MCM8: variants seen among roughly 807,000 people sequenced by gnomAD.
MCM8 encodes the protein minichromosome maintenance 8 homologous recombination repair factor.
A neutral mutation model predicts 98.9 loss-of-function variants in MCM8; 85 were observed. That is an observed-to-expected ratio of 0.86 (90% CI 0.72 to 1.03). The LOEUF (loss-of-function observed/expected upper bound fraction) is 1.03, where lower values mean the gene tolerates loss of function less well. MCM8 is among the 50% of genes least tolerant of loss of function. The pLI is 0.00. For missense variants in MCM8, 951 were observed against 997.8 expected (o/e 0.95, Z 0.63); for synonymous variants, 352 against 338.6 (o/e 1.04, Z -0.44).
In MCM8 at chr20:5,952,516, T is replaced by C; in HGVS notation, c.241T>C (p.Tyr81His). ...RFIPYKGWKL[Y>H]FSEVYSDSSP... ...CATACCATATAAAGGCTGGAAGCTTTATTTCTCTGAAGGTAGGGTTTAAAA... is the reference window on the plus strand; with the variant it reads ...CATACCATATAAAGGCTGGAAGCTTCATTTCTCTGAAGGTAGGGTTTAAAA... The change falls in exon 3 of 19, where the codon TAT becomes CAT. Residue 81 changes from tyrosine (Y) to histidine (H), a missense_variant. By Grantham distance (83) the Tyr-to-His change is moderately conservative. Transcript: ENST00000610722. 1.2e-6 allele frequency: 2 copies of C among 1,613,586 alleles called. No individual in the cohort carries two copies. Among genetic ancestry groups the C allele is most frequent in the Non-Finnish European group, 1.7e-6 (2 of 1,179,764 alleles).
intron 16 of MCM8, 138 bp downstream of exon 16, chr20:5,986,269 G>A: frequency 2.7e-6 from 2 of 737,018 alleles, no homozygotes; most frequent in South Asian, 1.9e-5. Flanking sequence ...ATGGATGAAA[G>A]TTTTTTAAAA....
intron 10 of MCM8, among the ~76,000 whole-genome samples, chr20:5,971,685 C>T (rs2089406481): frequency 2.0e-5 from 3 of 152,132 alleles, no homozygotes; most frequent in East Asian, 1.9e-4. Context: ...AATATAATCC[C>T]GTATCCTAAA....
In MCM8 at chr20:5,973,088, T is replaced by G. The variant is rs773733935; in HGVS notation, c.1287T>G (p.Phe429Leu). Residue 429 changes from phenylalanine (F) to leucine (L), a missense_variant, in exon 12 of 19, where the codon TTT becomes TTG. By Grantham distance (22) the Phe-to-Leu change is conservative. Coordinates refer to ENST00000610722, the MANE Select transcript of MCM8 (RefSeq NM_032485.6). Reference protein sequence around the residue: ...LVKAGLALALFGGSQKYADDK... With the variant: ...LVKAGLALALLGGSQKYADDK... ...AAGCAGGTTTGGCATTAGCACTCTT[T>G]GGAGGAAGCCAGAAATACGCAGATG... 6.2e-7 allele frequency: 1 copy of G among 1,614,236 alleles called. No individual in the cohort carries two copies. Among genetic ancestry groups the G allele is most frequent in the Non-Finnish European group, 8.5e-7 (1 of 1,180,034 alleles).
At position 5,972,056 on chromosome 20, in the gene MCM8, C is replaced by T; in HGVS notation, c.1254+19C>T. Reference sequence around the variant, plus strand: ...TCATGAAGTAAGTATTTTACTTCATCTTTACTCAAAAAGTATATAAGGTTA... The same window carrying T: ...TCATGAAGTAAGTATTTTACTTCATTTTTACTCAAAAAGTATATAAGGTTA... On this transcript the variant is annotated intron_variant, in intron 11 of 18. Coordinates refer to ENST00000610722, the MANE Select transcript of MCM8 (RefSeq NM_032485.6). 3.1e-6 allele frequency: 5 copies of T among 1,594,118 alleles called. No homozygotes were observed. The highest frequency in any genetic ancestry group is 4.3e-6 in the Non-Finnish European group (5 of 1,165,954).
intron 3 of MCM8, among the ~76,000 whole-genome samples, chr20:5,953,024 CT>C (rs1043891592): frequency 6.6e-6 from 1 of 152,196 alleles, no homozygotes; most frequent in African/African-American, 2.4e-5. Context: ...GCAAATGAAG[CT>C]GGTTGCCACT....
In MCM8 at chr20:5,957,221, T is replaced by G; in HGVS notation, c.582T>G (p.Ile194Met). 1 of 1,612,090 alleles carries G rather than the reference T, an allele frequency of 6.2e-7. No homozygotes were observed. Among genetic ancestry groups the G allele is most frequent in the Non-Finnish European group, 8.5e-7 (1 of 1,178,698 alleles). The change falls in exon 6 of 19, where the codon ATT (isoleucine) becomes ATG (methionine). Residue 194 changes from isoleucine (I) to methionine (M), a missense_variant. Coordinates refer to ENST00000610722, the MANE Select transcript of MCM8 (RefSeq NM_032485.6). The stretch of plus-strand genomic sequence containing the variant: ...AAACAATGGTAAATGTGCCACATAT[T>G]CATGCAAGGTGAGGAATTTGATGTA... ...DGETMVNVPH[I>M]HARVYNYEPL...
chr20:5,955,337 AT>A, intron 5 of MCM8, 86 bp downstream of exon 5: 1 of 1,265,540 alleles, frequency 7.9e-7, no homozygotes, highest in Non-Finnish European at 1.1e-6. Flanking sequence ...TTAAAGGAAG[AT>A]TTTACAGTGA....
rs552896953 is a variant in MCM8 at position 5,982,905 on chromosome 20, C to T, written c.1538-65C>T. 9.1e-5 allele frequency: 120 copies of T among 1,320,000 alleles called. No homozygotes were observed. In the East Asian group the frequency reaches 2.8e-3, roughly 31 times the overall value. The allele number at this position is 1,320,000 out of a possible 1,614,324, so 81.8% of individuals were successfully genotyped here. A position where few individuals can be genotyped will look rare whatever the true frequency, so the allele number is the denominator to read the frequency against. ...TAATTATTGTGAAACAATTTCTATC[C>T]TATAAAATTTGGAACTTGACCAAAG... On this transcript the variant is annotated intron_variant, in intron 13 of 18. Coordinates refer to ENST00000610722, the MANE Select transcript of MCM8 (RefSeq NM_032485.6).
At position 5,959,661 on chromosome 20, in the gene MCM8, A is replaced by G. The variant is rs117462564; in HGVS notation, c.789+935A>G. ...AGAACATTCTTGTACATGTCTCCTT[A>G]GCAGAGGAATACTAAGTTGTAGGCT... On this transcript the variant is annotated intron_variant, in intron 7 of 18. Coordinates refer to ENST00000610722, the MANE Select transcript of MCM8 (RefSeq NM_032485.6). Among the ~76,000 whole-genome samples, 1,600 of 147,630 alleles carry G rather than the reference A, an allele frequency of 0.011. 144 individuals carry two copies. In the East Asian group the frequency reaches 0.24, roughly 22 times the overall value.
intron 12 of MCM8, among the ~76,000 whole-genome samples, chr20:5,977,177 T>C (rs1300815225): frequency 1.3e-5 from 2 of 152,260 alleles, no homozygotes; most frequent in African/African-American, 4.8e-5. Flanking sequence ...ATGTGAATAC[T>C]GTCCCCTAGA....
At chr20:5,961,561 G>T (rs379418) in intron 7 of MCM8, among the ~76,000 whole-genome samples, 1 of 152,018 alleles carries the variant, frequency 6.6e-6, no homozygotes, top group African/African-American at 2.4e-5. Flanking sequence ...GTTTCATCTG[G>T]TGTTTGTCTT....
intron 7 of MCM8, among the ~76,000 whole-genome samples, chr20:5,962,764 G>T (rs953412166): frequency 2.0e-5 from 3 of 152,212 alleles, no homozygotes; most frequent in Non-Finnish European, 2.9e-5. Flanking sequence ...GTCTGCCACA[G>T]TCTGAATTTA....
intron 16 of MCM8, among the ~76,000 whole-genome samples, chr20:5,986,773 T>A (rs1202145103): frequency 1.3e-5 from 2 of 152,112 alleles, no homozygotes; most frequent in Admixed American, 1.3e-4. Flanking sequence ...AAAAATGAGG[T>A]TTATCCTTAT....
At position 5,952,481 on chromosome 20, in the gene MCM8, T is replaced by G. The variant is rs769714352; in HGVS notation, c.206T>G (p.Leu69Trp). 1.4e-5 allele frequency: 23 copies of G among 1,613,956 alleles called. No homozygotes were observed. The African/African-American group carries it at 2.8e-4, about 20-fold the overall frequency. ...ACCCCACAGTCAATGCAGTCAACAT[T>G]GGATCGATTCATACCATATAAAGGC... ...TKTPQSMQST[L>W]DRFIPYKGWK... Residue 69 changes from leucine to tryptophan, a missense_variant, in exon 3 of 19, where the codon TTG (leucine) becomes TGG (tryptophan). Physicochemically the swap from Leu to Trp is moderately conservative, Grantham distance 61 (BLOSUM62 -2). Coordinates refer to ENST00000610722, the MANE Select transcript of MCM8 (RefSeq NM_032485.6).
At chr20:5,982,692 ATTACTC>A (rs2089652890) in intron 13 of MCM8, among the ~76,000 whole-genome samples, 1 of 152,208 alleles carries the variant, frequency 6.6e-6, no homozygotes, top group Non-Finnish European at 1.5e-5. Flanking sequence ...CATTTTGAGA[ATTACTC>A]TTACCTCCTC....
chr20:5,987,584 C>T (rs775688843), intron 17 of MCM8, among the ~76,000 whole-genome samples: 2 of 152,090 alleles, frequency 1.3e-5, no homozygotes, highest in Non-Finnish European at 2.9e-5. Flanking sequence ...AAATCAGTTC[C>T]AAAACCTATT....
chr20:5,970,292 T>C (rs1388399526), intron 10 of MCM8, among the ~76,000 whole-genome samples: 2 of 152,284 alleles, frequency 1.3e-5, no homozygotes, highest in African/African-American at 4.8e-5. Flanking sequence ...AGTTTATGTT[T>C]TAGTTTAGGT....
intron 8 of MCM8, among the ~76,000 whole-genome samples, chr20:5,964,956 G>A (rs1214662580): frequency 1.3e-5 from 2 of 152,180 alleles, no homozygotes; most frequent in Admixed American, 1.3e-4. Context: ...TACCATTCTT[G>A]TGTCTTTCAT....
chr20:5,988,012 A>G (rs2089767227), intron 17 of MCM8, among the ~76,000 whole-genome samples: 2 of 152,188 alleles, frequency 1.3e-5, no homozygotes, highest in Non-Finnish European at 2.9e-5. Context: ...AATGATTCCT[A>G]GAAGGTAGAA....
Sources: gnomAD v4.1 joint callset for allele counts (sites outside exome capture counted in the v4.1 genomes callset) on GRCh38, gnomAD v4.1.1 for gene constraint, MANE v1.5 for transcripts, NCBI Gene and HGNC (gene_info 2026-07-23, HGNC 2026-07-21) for gene names.